FAM234B: variants seen among roughly 807,000 people sequenced by gnomAD.
The protein encoded by FAM234B is protein FAM234B.
FAM234B carries 33 observed loss-of-function variants against 69.3 expected under a neutral mutation model. The ratio of observed to expected loss-of-function variants is 0.48; its 90% CI spans 0.36 to 0.64. FAM234B has a LOEUF of 0.64. Among genes scored for constraint, FAM234B ranks in the 30% least tolerant of loss-of-function variants. The pLI, the probability that FAM234B is intolerant of heterozygous loss-of-function variation, is 0.00. For synonymous variants in FAM234B, 306 were observed against 306.9 expected (o/e 1.00, Z 0.03); for missense variants, 697 against 769.7 (o/e 0.91, Z 1.12).
chr12:13,048,121 C>G (rs2120438104), intron 1 of FAM234B, among the ~76,000 whole-genome samples: 1 of 152,318 alleles, frequency 6.6e-6, no homozygotes, highest in South Asian at 2.1e-4. Flanking sequence ...TATGATAACT[C>G]AGAGCGCTTG....
chr12:13,044,534 C>T lies in FAM234B; in HGVS notation c.37+94C>T. ...GGGGCGAGGCCGGTCGGGCCCTGGC[C>T]TCAACCCAGACTCAGCTGCAGGCGC... On this transcript the variant is annotated intron_variant, in intron 1 of 12. Transcript: ENST00000197268. The surrounding 1 kb of genome is among the most constrained non-coding windows in gnomAD (Gnocchi z 5.6). The T allele has an allele frequency of 7.1e-7, 1 of 1,404,474 alleles. No individual in the cohort carries two copies. Among genetic ancestry groups the T allele is most frequent in the Non-Finnish European group, 9.8e-7 (1 of 1,018,976 alleles). The allele number at this position is 1,404,474 out of a possible 1,614,324, so 87.0% of individuals were successfully genotyped here.
chr12:13,069,516 C>G (rs1207273093), intron 9 of FAM234B, among the ~76,000 whole-genome samples: 1 of 152,188 alleles, frequency 6.6e-6, no homozygotes, highest in Non-Finnish European at 1.5e-5. Flanking sequence ...AGAGTCACTA[C>G]ATAGCTCTAC....
chr12:13,074,531 G>C (rs1380149314), intron 10 of FAM234B, among the ~76,000 whole-genome samples: 1 of 152,176 alleles, frequency 6.6e-6, no homozygotes, highest in African/African-American at 2.4e-5. Flanking sequence ...GGCAGAGTAA[G>C]GTGAAGCATG....
chr12:13,080,664 C>T lies in FAM234B; in HGVS notation c.*34C>T, dbSNP rs575420395. The T allele has an allele frequency of 1.9e-6, 3 of 1,568,316 alleles. No individual in the cohort carries two copies. The highest frequency in any genetic ancestry group is 1.1e-5 in the South Asian group (1 of 90,074). On this transcript the variant is annotated 3_prime_UTR_variant, in exon 13 of 13. Transcript: ENST00000197268. ...AATCTTCAGTTGCAGAAGAAGTGAACAGAGTGGATACCCTCTCTACTCTCC... is the reference window on the plus strand; with the variant it reads ...AATCTTCAGTTGCAGAAGAAGTGAATAGAGTGGATACCCTCTCTACTCTCC...
At chr12:13,060,392 C>T (rs749134069) in intron 3 of FAM234B, among the ~76,000 whole-genome samples, 3 of 152,208 alleles carry the variant, frequency 2.0e-5, no homozygotes, top group Non-Finnish European at 2.9e-5. Context: ...TACACACAGA[C>T]TGCCGAACAA....
chr12:13,055,405 T>C, intron 1 of FAM234B, 146 bp from the exon 2 acceptor site: 1 of 712,672 alleles, frequency 1.4e-6, no homozygotes. Context: ...GTTTTACAGA[T>C]AGCCACCAAG....
At chr12:13,071,205 C>T (rs1385951970) in intron 9 of FAM234B, 36 bp from the exon 10 acceptor site, 1 of 1,608,904 alleles carries the variant, frequency 6.2e-7, no homozygotes, top group South Asian at 1.1e-5. Context: ...TTTTTTGAGG[C>T]CTGGCCATGT....
chr12:13,071,212 A>G, intron 9 of FAM234B, 29 bp from the exon 10 acceptor site: 1 of 1,611,372 alleles, frequency 6.2e-7, no homozygotes. Flanking sequence ...AGGCCTGGCC[A>G]TGTTTACTGT....
intron 2 of FAM234B, among the ~76,000 whole-genome samples, chr12:13,056,147 G>T (rs564342693): frequency 6.6e-6 from 1 of 152,324 alleles, no homozygotes; most frequent in East Asian, 1.9e-4. Flanking sequence ...TCATTGCTCT[G>T]TTGTGTCTGT....
intron 5 of FAM234B, among the ~76,000 whole-genome samples, chr12:13,064,401 C>A (rs983203639): frequency 6.6e-6 from 1 of 152,174 alleles, no homozygotes; most frequent in Non-Finnish European, 1.5e-5. Flanking sequence ...AGCCATTGAA[C>A]AAGTTTTTAA....
Position 13,067,193 on chromosome 12 carries a change from C to T in FAM234B, c.1039C>T (p.Gln347Ter). The change falls in exon 7 of 13, where the codon CAG becomes TAG. Residue 347 changes from glutamine to a stop codon, truncating the protein, a stop_gained. Transcript: ENST00000197268. LOFTEE classifies it high-confidence loss of function. This position sits in a 1 kb window ranked among gnomAD's most constrained non-coding sequence, Gnocchi z 4.7. ...TGTCGCACTGCGGGACATTTTTGTTCAGGCCCAAAATCGAGACAGCTCACC... is the reference window on the plus strand; with the variant it reads ...TGTCGCACTGCGGGACATTTTTGTTTAGGCCCAAAATCGAGACAGCTCACC... Reference protein sequence around the residue: ...QAVALRDIFVQAQNRDSSPPS... With the variant: ...QAVALRDIFV The T allele has an allele frequency of 6.2e-7, 1 of 1,614,010 alleles. No individual in the cohort carries two copies. Among genetic ancestry groups the T allele is most frequent in the Non-Finnish European group, 8.5e-7 (1 of 1,179,906 alleles).
rs191625262 is a variant in FAM234B at position 13,083,445 on chromosome 12, A to G, written c.*2815A>G. 32 of 152,576 alleles carry G rather than the reference A, an allele frequency of 2.1e-4. No individual in the cohort carries two copies. The highest frequency in any genetic ancestry group is 7.0e-4 in the African/African-American group (29 of 41,556). The allele number at this position is 152,576 out of a possible 1,614,324, so 9.5% of individuals were successfully genotyped here. On this transcript the variant is annotated 3_prime_UTR_variant, in exon 13 of 13. Coordinates refer to ENST00000197268, the MANE Select transcript of FAM234B (RefSeq NM_020853.2). The stretch of plus-strand genomic sequence containing the variant: ...TAGAGTAAATAAATAAATACTCTAC[A>G]GGAATACACTTGTGTGCCATTCTCA...
intron 11 of FAM234B, 102 bp from the exon 12 acceptor site, chr12:13,079,687 A>G (rs1262543426): frequency 1.9e-5 from 14 of 732,342 alleles, no homozygotes; most frequent in South Asian, 7.0e-5. Flanking sequence ...CATTTCCTGT[A>G]TGAACTTATG....
chr12:13,071,227 C>T lies in FAM234B; in HGVS notation c.1369-14C>T. On this transcript the variant is annotated splice_polypyrimidine_tract_variant and intron_variant, in intron 9 of 12. Transcript: ENST00000197268. ...AGGCCTGGCCATGTTTACTGTCTGT[C>T]TTCTCTTTTGTAGATGATGGTTGTG... The T allele has an allele frequency of 6.2e-7, 1 of 1,613,728 alleles. No homozygotes were observed. Among genetic ancestry groups the T allele is most frequent in the South Asian group, 1.1e-5 (1 of 91,040 alleles).
intron 2 of FAM234B, 143 bp from the exon 3 acceptor site, chr12:13,058,308 A>C (rs1864952170): frequency 1.4e-6 from 1 of 703,862 alleles, no homozygotes; most frequent in Non-Finnish European, 2.6e-6. Flanking sequence ...CCATGCACTT[A>C]GCAGGGGGAG....
chr12:13,073,211 C>A (rs1865126823), intron 10 of FAM234B, among the ~76,000 whole-genome samples: 1 of 151,202 alleles, frequency 6.6e-6, no homozygotes, highest in African/African-American at 2.4e-5. Context: ...CCCAGGCAGG[C>A]CTCGAACTCC....
At chr12:13,066,941 G>A (rs1344806209) in intron 6 of FAM234B, 154 bp downstream of exon 6, 13 of 960,562 alleles carry the variant, frequency 1.4e-5, no homozygotes, top group Admixed American at 2.7e-5. Flanking sequence ...ACCGATCACA[G>A]GCTATTAACT....
intron 10 of FAM234B, among the ~76,000 whole-genome samples, chr12:13,071,663 C>T (rs1197351918): frequency 6.6e-6 from 1 of 151,978 alleles, no homozygotes; most frequent in Admixed American, 6.6e-5. Context: ...AAAGTCCTCC[C>T]AAGATACTAG....
intron 3 of FAM234B, among the ~76,000 whole-genome samples, chr12:13,060,692 G>A (rs1239281884): frequency 6.6e-6 from 1 of 152,188 alleles, no homozygotes; most frequent in African/African-American, 2.4e-5. Context: ...TAGGTAGAAG[G>A]AAGCTCTAAA....
Sources: gnomAD v4.1 joint callset for allele counts (sites outside exome capture counted in the v4.1 genomes callset) on GRCh38, gnomAD v4.1.1 for gene constraint, Gnocchi (gnomAD v3.1) non-coding constraint, MANE v1.5 for transcripts, NCBI Gene and HGNC (gene_info 2026-07-23, HGNC 2026-07-21) for gene names.